Variants in EXOC6B observed in about 807,000 individuals in gnomAD.
EXOC6B encodes SEC15 homolog B.
Under a neutral mutation model 113.5 loss-of-function variants are expected in EXOC6B, and 54 were observed. That is an observed-to-expected ratio of 0.48 (90% CI 0.38 to 0.60). The LOEUF (loss-of-function observed/expected upper bound fraction) is 0.60, where lower values mean the gene tolerates loss of function less well. Among genes scored for constraint, EXOC6B ranks in the 20% least tolerant of loss-of-function variants. The pLI, the probability that EXOC6B is intolerant of heterozygous loss-of-function variation, is 0.00. For synonymous variants in EXOC6B, 357 were observed against 339.0 expected, an observed-to-expected ratio of 1.05 and a Z score of -0.58; for missense variants, 797 against 977.5, an observed-to-expected ratio of 0.82 and a Z score of 2.46.
intron 18 of EXOC6B, among the ~76,000 whole-genome samples, chr2:72,401,534 T>TGAAAAAG (rs1693202007): frequency 3.1e-5 from 1 of 32,526 alleles, no homozygotes; most frequent in Non-Finnish European, 4.6e-5. Flanking sequence ...CATATATATA[T>TGAAAAAG]ATATATATAT....
intron 6 of EXOC6B, among the ~76,000 whole-genome samples, chr2:72,705,410 C>T (rs1260831552): frequency 3.3e-5 from 5 of 152,152 alleles, no homozygotes; most frequent in African/African-American, 4.8e-5. Context: ...CCTTTGAAAA[C>T]TGGCACAAGA....
intron 19 of EXOC6B, among the ~76,000 whole-genome samples, chr2:72,375,002 A>G (rs1247997743): frequency 6.6e-6 from 1 of 151,898 alleles, no homozygotes; most frequent in Admixed American, 6.6e-5. Flanking sequence ...ACAAGGTCAT[A>G]AGGAAGTTGA....
At chr2:72,782,491 T>C (rs185587459) in intron 1 of EXOC6B, among the ~76,000 whole-genome samples, 2 of 152,208 alleles carry the variant, frequency 1.3e-5, no homozygotes, top group African/African-American at 2.4e-5. Flanking sequence ...ATACTTAAGG[T>C]GTCCATCACC....
intron 1 of EXOC6B, among the ~76,000 whole-genome samples, chr2:72,815,164 G>A (rs1311281205): frequency 2.6e-5 from 4 of 151,740 alleles, no homozygotes; most frequent in Admixed American, 6.6e-5. Context: ...AACCATCAAA[G>A]GTTTTTTACC....
At chr2:72,700,530 G>A (rs556570696) in intron 6 of EXOC6B, among the ~76,000 whole-genome samples, 4 of 152,134 alleles carry the variant, frequency 2.6e-5, no homozygotes, top group South Asian at 4.1e-4. Flanking sequence ...AATCAGTAAT[G>A]GGGTCGAAAT....
At chr2:72,713,387 C>G (rs1679391761) in intron 6 of EXOC6B, among the ~76,000 whole-genome samples, 1 of 152,006 alleles carries the variant, frequency 6.6e-6, no homozygotes, top group Non-Finnish European at 1.5e-5. Flanking sequence ...AAGAAGTTAC[C>G]ATGATACAGG....
At chr2:72,225,216 T>C (rs1475283913) in intron 20 of EXOC6B, among the ~76,000 whole-genome samples, 1 of 152,048 alleles carries the variant, frequency 6.6e-6, no homozygotes, top group African/African-American at 2.4e-5. Context: ...TAGGATATCA[T>C]ATTTTTATGT....
chr2:72,823,398 G>A (rs1686687933), intron 1 of EXOC6B, among the ~76,000 whole-genome samples: 1 of 129,114 alleles, frequency 7.7e-6, no homozygotes, highest in African/African-American at 2.8e-5. Context: ...AAACCGTAAT[G>A]TATATACAGT....
At chr2:72,484,242 C>A (rs1292468926) in intron 16 of EXOC6B, among the ~76,000 whole-genome samples, 1 of 151,182 alleles carries the variant, frequency 6.6e-6, no homozygotes, top group African/African-American at 2.4e-5. Context: ...GTTTGCTGCA[C>A]CTATTGACCC....
chr2:72,577,032 A>T (rs557429337), intron 6 of EXOC6B, among the ~76,000 whole-genome samples: 30 of 152,234 alleles, frequency 2.0e-4, no homozygotes, highest in Admixed American at 2.6e-4. Context: ...AAATGAGACA[A>T]TTATAACAAG....
chr2:72,666,824 A>ACACACACACACACACAC (rs376270262), intron 6 of EXOC6B, among the ~76,000 whole-genome samples: 3 of 135,244 alleles, frequency 2.2e-5, no homozygotes, highest in Non-Finnish European at 3.1e-5. Flanking sequence ...CACACACACA[A>ACACACACACACACACAC]AGAAATGCCT....
At chr2:72,216,733 G>A (rs1433841197) in intron 20 of EXOC6B, among the ~76,000 whole-genome samples, 1 of 152,172 alleles carries the variant, frequency 6.6e-6, no homozygotes, top group Non-Finnish European at 1.5e-5. Flanking sequence ...AAAAAGGAAT[G>A]AGATCATGTC....
chr2:72,593,538 G>A (rs1706110434), intron 6 of EXOC6B, among the ~76,000 whole-genome samples: 1 of 151,560 alleles, frequency 6.6e-6, no homozygotes, highest in South Asian at 2.1e-4. Context: ...AGAAGTGTTA[G>A]CAGAATAGAA....
At chr2:72,490,638 T>C (rs1699689194) in intron 16 of EXOC6B, among the ~76,000 whole-genome samples, 1 of 152,166 alleles carries the variant, frequency 6.6e-6, no homozygotes, top group Non-Finnish European at 1.5e-5. Context: ...TATGCAAAGA[T>C]ACTGAAAGTA....
chr2:72,512,448 G>A (rs1700988293), intron 11 of EXOC6B, among the ~76,000 whole-genome samples: 1 of 150,018 alleles, frequency 6.7e-6, no homozygotes, highest in South Asian at 2.1e-4. Flanking sequence ...AGGAAGGAAG[G>A]AAAGAAGGAA....
At chr2:72,557,293 G>C (rs988442386) in intron 8 of EXOC6B, among the ~76,000 whole-genome samples, 4 of 97,710 alleles carry the variant, frequency 4.1e-5, no homozygotes, top group South Asian at 7.8e-4. Flanking sequence ...TAAAATCCGG[G>C]GGGGGGGGGG....
chr2:72,679,793 C>T (rs548275250), intron 6 of EXOC6B, among the ~76,000 whole-genome samples: 6 of 152,226 alleles, frequency 3.9e-5, no homozygotes, highest in South Asian at 2.1e-4. Flanking sequence ...ATAAACAATG[C>T]TTGGCTGGAA....
At chr2:72,201,823 A>G (rs2104337309) in intron 20 of EXOC6B, among the ~76,000 whole-genome samples, 1 of 152,332 alleles carries the variant, frequency 6.6e-6, no homozygotes, top group South Asian at 2.1e-4. Flanking sequence ...GTGAGGTTGC[A>G]AGTTATTGAA....
chr2:72,619,256 T>C (rs1671596903), intron 6 of EXOC6B, among the ~76,000 whole-genome samples: 1 of 152,138 alleles, frequency 6.6e-6, no homozygotes, highest in Admixed American at 6.6e-5. Flanking sequence ...CACATCTTCC[T>C]GTATGAAACA....
Sources: gnomAD v4.1 joint callset for allele counts (sites outside exome capture counted in the v4.1 genomes callset) on GRCh38, gnomAD v4.1.1 for gene constraint, MANE v1.5 for transcripts, NCBI Gene and HGNC (gene_info 2026-07-23, HGNC 2026-07-21) for gene names.